Variants in PDHA1 observed in about 807,000 individuals in gnomAD.
PDHA1 encodes the protein pyruvate dehydrogenase E1 subunit alpha 1.
In PDHA1, 1 loss-of-function variant was observed where a neutral mutation model predicts 33.0. The ratio of observed to expected loss-of-function variants is 0.03; its 90% CI spans 0.01 to 0.14. The LOEUF (loss-of-function observed/expected upper bound fraction) is 0.14, where lower values mean the gene tolerates loss of function less well. Ranked by LOEUF, PDHA1 falls within the 10% of genes least tolerant of loss-of-function variation. The probability of loss-of-function intolerance (pLI) is 1.00; values close to 1 mark genes in which losing one functional copy is unlikely to be tolerated. For missense variants in PDHA1, 168 were observed against 325.1 expected (o/e 0.52, Z 3.72); for synonymous variants, 123 against 119.2 (o/e 1.03, Z -0.21).
intron 8 of PDHA1, among the ~76,000 whole-genome samples, chrX:19,356,107 C>T (rs2063196379): frequency 9.0e-6 from 1 of 111,590 alleles, no homozygotes; most frequent in Admixed American, 9.5e-5. Flanking sequence ...CCACAGTGTC[C>T]AGCATAGAAT....
rs756973583 is a variant in PDHA1, at chrX:19,344,068, G to A, written c.31G>A (p.Val11Met). 7 of 1,206,574 alleles carry A rather than the reference G, an allele frequency of 5.8e-6. No homozygotes were observed. Among genetic ancestry groups the A allele is most frequent in the African/African-American group, 5.2e-5 (3 of 57,407 alleles). The change falls in exon 1 of 11, where the codon GTG becomes ATG. Residue 11 changes from valine (V) to methionine (M), a missense_variant. By Grantham distance (21) the Val-to-Met change is conservative. Around this residue, in one of 5 missense-constraint regions of PDHA1, gnomAD observed 46 missense variants for 47.4 expected, o/e 0.97. Coordinates refer to ENST00000422285, the MANE Select transcript of PDHA1 (RefSeq NM_000284.4). ...GAAGATGCTCGCCGCCGTCTCCCGC[G>A]TGCTGTCTGGCGCTTCTCAGAAGCC... MRKMLAAVSRVLSGASQKPAS... is the reference protein window; with the variant it reads MRKMLAAVSRMLSGASQKPAS...
rs2063254486 is a variant in PDHA1, at chrX:19,359,793, G to GTAAT, written c.*142_*145dup. On this transcript the variant is annotated 3_prime_UTR_variant, in exon 11 of 11. Coordinates refer to ENST00000422285, the MANE Select transcript of PDHA1 (RefSeq NM_000284.4). ...ATTAAGTGTGTAGATTGAGCAGGTA[G>GTAAT]TAATTGCATGCAGTTTGTACATTAG... The GTAAT allele has an allele frequency of 3.7e-6, 2 of 547,819 alleles. No homozygotes were observed. The highest frequency in any genetic ancestry group is 7.1e-5 in the East Asian group (2 of 28,000). 45.1% of individuals were successfully genotyped at this position (547,819 alleles called of 1,213,427 possible). A position where few individuals can be genotyped will look rare whatever the true frequency, so the allele number is the denominator to read the frequency against.
intron 1 of PDHA1, among the ~76,000 whole-genome samples, chrX:19,349,050 C>G (rs1336894972): frequency 1.8e-5 from 2 of 112,164 alleles, no homozygotes; most frequent in African/African-American, 3.2e-5. Flanking sequence ...TCTTTGAAAA[C>G]AAAGGATGGG....
At chrX:19,354,709 A>AATTT (rs2063183669) in intron 6 of PDHA1, 126 bp downstream of exon 6, 1 of 542,944 alleles carries the variant, frequency 1.8e-6, no homozygotes, top group East Asian at 3.5e-5. Context: ...GGCTAGCTCA[A>AATTT]ATTTGGTTGA....
In PDHA1 at chrX:19,351,254, T is replaced by G. The variant is rs1389638523; in HGVS notation, c.292-27T>G. On this transcript the variant is annotated intron_variant, in intron 3 of 10. Coordinates refer to ENST00000422285, the MANE Select transcript of PDHA1 (RefSeq NM_000284.4). The stretch of plus-strand genomic sequence containing the variant: ...ATTTAGAAACATGTATCATATTGCC[T>G]CATAGTTTCTCCTTCCTCTAACACA... The G allele has an allele frequency of 5.8e-6, 7 of 1,202,643 alleles. No individual in the cohort carries two copies. Among genetic ancestry groups the G allele is most frequent in the South Asian group, 3.5e-5 (2 of 56,704 alleles).
At chrX:19,359,163 C>T in intron 10 of PDHA1, 139 bp downstream of exon 10, 1 of 490,949 alleles carries the variant, frequency 2.0e-6, no homozygotes, top group Non-Finnish European at 3.6e-6. Flanking sequence ...TTCCAAAGTC[C>T]CTTGGGGTGG....
Position 19,350,057 on chromosome X carries a change from C to G in PDHA1, c.238C>G (p.Gln80Glu). ...ACGCCGAATGGAGTTGAAAGCAGATCAGCTGTATAAACAGAAAATTATTCG... is the reference window on the plus strand; with the variant it reads ...ACGCCGAATGGAGTTGAAAGCAGATGAGCTGTATAAACAGAAAATTATTCG... ...TVRRMELKADQLYKQKIIRGF... is the reference protein window; with the variant it reads ...TVRRMELKADELYKQKIIRGF... Residue 80 changes from glutamine to glutamate, a missense_variant, in exon 3 of 11, where the codon CAG becomes GAG. By Grantham distance (29) the Gln-to-Glu change is conservative (BLOSUM62 2). Transcript: ENST00000422285. The G allele has an allele frequency of 8.3e-7, 1 of 1,206,390 alleles. No homozygotes were observed. Among genetic ancestry groups the G allele is most frequent in the Non-Finnish European group, 1.1e-6 (1 of 890,908 alleles).
At chrX:19,351,255 C>G in intron 3 of PDHA1, 26 bp from the exon 4 acceptor site, 1 of 1,202,404 alleles carries the variant, frequency 8.3e-7, no homozygotes, top group Non-Finnish European at 1.1e-6. Flanking sequence ...CATATTGCCT[C>G]ATAGTTTCTC....
At position 19,361,313 on chromosome X, in the gene PDHA1, T is replaced by A. The variant is rs755594888; in HGVS notation, c.*1660T>A. ...TCACACATAAAAAGTTGTATTCTCT[T>A]ATACAAACTGTTTTGAGGCTCTTAC... On this transcript the variant is annotated 3_prime_UTR_variant, in exon 11 of 11. Coordinates refer to ENST00000422285, the MANE Select transcript of PDHA1 (RefSeq NM_000284.4). 7 of 1,144,642 alleles carry A rather than the reference T, an allele frequency of 6.1e-6. No individual in the cohort carries two copies. The South Asian group carries it at 9.4e-5, about 15-fold the overall frequency. 94.3% of individuals were successfully genotyped at this position (1,144,642 alleles called of 1,213,427 possible). A position where few individuals can be genotyped will look rare whatever the true frequency, so the allele number is the denominator to read the frequency against.
intron 10 of PDHA1, 51 bp from the exon 11 acceptor site, chrX:19,359,438 C>CCTAAGCTGCTGTTCATT (rs1569193936): frequency 9.4e-7 from 1 of 1,062,047 alleles, no homozygotes; most frequent in Admixed American, 2.2e-5. Flanking sequence ...CTAGTTGGTA[C>CCTAAGCTGCTGTTCATT]CTAAGCTGCT....
chrX:19,351,322 A>G lies in PDHA1; in HGVS notation c.333A>G (p.Thr111=), dbSNP rs1198119577. 2 of 1,206,472 alleles carry G rather than the reference A, an allele frequency of 1.7e-6. No homozygotes were observed. The highest frequency in any genetic ancestry group is 5.9e-5 in the East Asian group (2 of 33,848). The change falls in exon 4 of 11, where the codon ACA becomes ACG. Residue 111 remains threonine, a synonymous_variant. Coordinates refer to ENST00000422285, the MANE Select transcript of PDHA1 (RefSeq NM_000284.4). ...GCCTGGAGGCCGGCATCAACCCCAC[A>G]GACCATCTCATCACAGCCTACCGGG... ...CVGLEAGINP[T]DHLITAYRAH...
At chrX:19,344,143 GGGGCCGGAGGGCAGGGCGGGCCAGGCC>G (rs1158054110) in intron 1 of PDHA1, 49 bp downstream of exon 1, 1 of 1,080,030 alleles carries the variant, frequency 9.3e-7, no homozygotes, top group Admixed American at 2.4e-5. Context: ...GGGCTGAGGC[GGGGCCGGAGGGCAGGGCGGGCCAGGCC>G]GGGCCACCCA....
rs1488592109 is a variant in PDHA1 at position 19,359,947 on chromosome X, C to G, written c.*294C>G. The G allele has an allele frequency of 3.1e-6, 1 of 321,196 alleles. No homozygotes were observed. Among genetic ancestry groups the G allele is most frequent in the Non-Finnish European group, 5.5e-6 (1 of 181,191 alleles). 26.5% of individuals were successfully genotyped at this position (321,196 alleles called of 1,213,427 possible). A position where few individuals can be genotyped will look rare whatever the true frequency, so the allele number is the denominator to read the frequency against. On this transcript the variant is annotated 3_prime_UTR_variant, in exon 11 of 11. Transcript: ENST00000422285. Reference sequence around the variant, plus strand: ...TATGCCTGTTTCCCCTGCCCCCAGCCACCTTTTTGGGAGGAGACCATTATG... The same window carrying G: ...TATGCCTGTTTCCCCTGCCCCCAGCGACCTTTTTGGGAGGAGACCATTATG...
chrX:19,357,674 A>G lies in PDHA1; in HGVS notation c.854A>G (p.Gln285Arg), dbSNP rs373275701. 3.3e-5 allele frequency: 40 copies of G among 1,208,838 alleles called. No homozygotes were observed. The highest frequency in any genetic ancestry group is 4.4e-5 in the Non-Finnish European group (39 of 893,995). Residue 285 changes from glutamine to arginine, a missense_variant, in exon 9 of 11, where the codon CAG becomes CGG. This residue lies in a region of PDHA1 where 27 missense variants were observed against 43.8 expected (regional missense o/e 0.62). Coordinates refer to ENST00000422285, the MANE Select transcript of PDHA1 (RefSeq NM_000284.4). ...SGKGPILMELQTYRYHGHSMS... is the reference protein window; with the variant it reads ...SGKGPILMELRTYRYHGHSMS... ...TAGGGGCCCATCCTGATGGAGCTGC[A>G]GACTTACCGTTACCACGGACACAGT... is the stretch of plus-strand genomic sequence containing the variant.
chrX:19,361,601 G>A lies in PDHA1; in HGVS notation c.*1948G>A, dbSNP rs779385101. 35 of 1,148,244 alleles carry A rather than the reference G, an allele frequency of 3.0e-5. No homozygotes were observed. Among genetic ancestry groups the A allele is most frequent in the Middle Eastern group, 2.4e-4 (1 of 4,198 alleles). The allele number at this position is 1,148,244 out of a possible 1,213,427, so 94.6% of individuals were successfully genotyped here. A position where few individuals can be genotyped will look rare whatever the true frequency, so the allele number is the denominator to read the frequency against. On this transcript the variant is annotated 3_prime_UTR_variant, in exon 11 of 11. Transcript: ENST00000422285. ...CTGGGTTCTCTGTAATACCTGTAAC[G>A]ATTGGCAATTTGTTATATATTAGTC...
intron 9 of PDHA1, 136 bp from the exon 10 acceptor site, chrX:19,358,780 G>A (rs951095470): frequency 4.0e-6 from 2 of 504,785 alleles, no homozygotes; most frequent in African/African-American, 4.7e-5. Context: ...GCATTGGTAT[G>A]CCCCTTTGTT....
At position 19,361,516 on chromosome X, in the gene PDHA1, C is replaced by G. The variant is rs1199963490; in HGVS notation, c.*1863C>G. The stretch of plus-strand genomic sequence containing the variant: ...ACCTTTTCAATTGTCTTTGCATCAG[C>G]TCCTTGCAGCCGCAACCAGTCTATA... On this transcript the variant is annotated 3_prime_UTR_variant, in exon 11 of 11. Coordinates refer to ENST00000422285, the MANE Select transcript of PDHA1 (RefSeq NM_000284.4). 1 of 1,209,944 alleles carries G rather than the reference C, an allele frequency of 8.3e-7. No individual in the cohort carries two copies. The highest frequency in any genetic ancestry group is 2.2e-5 in the Admixed American group (1 of 45,810).
chrX:19,361,103 C>T lies in PDHA1; in HGVS notation c.*1450C>T, dbSNP rs747229060. 26 of 418,787 alleles carry T rather than the reference C, an allele frequency of 6.2e-5. No individual in the cohort carries two copies. The highest frequency in any genetic ancestry group is 6.0e-4 in the Admixed American group (13 of 21,729). 34.5% of individuals were successfully genotyped at this position (418,787 alleles called of 1,213,427 possible). A position where few individuals can be genotyped will look rare whatever the true frequency, so the allele number is the denominator to read the frequency against. On this transcript the variant is annotated 3_prime_UTR_variant, in exon 11 of 11. Coordinates refer to ENST00000422285, the MANE Select transcript of PDHA1 (RefSeq NM_000284.4). Reference sequence around the variant, plus strand: ...TGCAGGCACGCTTGCCATGTGCCTCCACCCACTCCCAGCCAGGCATTAATG... The same window carrying T: ...TGCAGGCACGCTTGCCATGTGCCTCTACCCACTCCCAGCCAGGCATTAATG...
Position 19,358,908 on chromosome X carries a change from C to G in PDHA1, c.900-8C>G, listed in dbSNP as rs773002964. ...TACTGATCGATTACTACTTTTCCCT[C>G]CCCATAGTTACCGTACACGAGAAGA... On this transcript the variant is annotated splice_polypyrimidine_tract_variant and splice_region_variant and intron_variant, in intron 9 of 10. Coordinates refer to ENST00000422285, the MANE Select transcript of PDHA1 (RefSeq NM_000284.4). 21 of 1,077,838 alleles carry G rather than the reference C, an allele frequency of 1.9e-5. No individual in the cohort carries two copies. The highest frequency in any genetic ancestry group is 2.2e-5 in the Non-Finnish European group (17 of 773,366). The allele number at this position is 1,077,838 out of a possible 1,213,427, so 88.8% of individuals were successfully genotyped here. A position where few individuals can be genotyped will look rare whatever the true frequency, so the allele number is the denominator to read the frequency against.
Sources: gnomAD v4.1 joint callset for allele counts (sites outside exome capture counted in the v4.1 genomes callset) on GRCh38, gnomAD v4.1.1 for gene constraint, gnomAD v4.1.1 regional missense constraint, MANE v1.5 for transcripts, NCBI Gene and HGNC (gene_info 2026-07-23, HGNC 2026-07-21) for gene names.